Variants in PKN2 observed in about 807,000 individuals in gnomAD.
PKN2 encodes serine/threonine-protein kinase N2.
Under a neutral mutation model 119.1 loss-of-function variants are expected in PKN2, and 38 were observed. That is an observed-to-expected ratio of 0.32 (90% CI 0.25 to 0.42). The LOEUF is 0.42. Among genes scored for constraint, PKN2 ranks in the 10% least tolerant of loss-of-function variants. PKN2 has a pLI of 1.00. For missense variants in PKN2, 850 were observed against 1,165.1 expected (o/e 0.73, Z 3.94); for synonymous variants, 390 against 384.9 (o/e 1.01, Z -0.15).
chr1:88,787,727 A>C (rs1034218149), intron 8 of PKN2, among the ~76,000 whole-genome samples: 4 of 152,206 alleles, frequency 2.6e-5, no homozygotes, highest in African/African-American at 9.7e-5. Context: ...TTTCGCCTCA[A>C]TGGCATCAGG....
In PKN2 at chr1:88,809,556, C is replaced by T. The variant is rs12025150; in HGVS notation, c.2102+1781C>T. ...GTAGGAAAATGCTTTCTAATGAAAT[C>T]TATAGAAAGTTTGGATCACAGGATG... On this transcript the variant is annotated intron_variant, in intron 15 of 21. Coordinates refer to ENST00000370521, the MANE Select transcript of PKN2 (RefSeq NM_006256.4). Among the ~76,000 whole-genome samples the T allele has an allele frequency of 3.8e-3, 576 of 152,308 alleles. 21 individuals carry two copies. The East Asian group carries it at 0.082, about 22-fold the overall frequency.
intron 1 of PKN2, among the ~76,000 whole-genome samples, chr1:88,725,172 C>T (rs1287269810): frequency 6.6e-6 from 1 of 152,124 alleles, no homozygotes; most frequent in East Asian, 1.9e-4. Flanking sequence ...TGGGTTAATA[C>T]AAATGAAGTT....
At chr1:88,762,656 C>G (rs753256325) in intron 3 of PKN2, among the ~76,000 whole-genome samples, 5 of 151,940 alleles carry the variant, frequency 3.3e-5, no homozygotes, top group Non-Finnish European at 5.9e-5. Context: ...TTTAAGAGAC[C>G]CACTATCTTA....
At chr1:88,803,761 G>A (rs1216291296) in intron 8 of PKN2, among the ~76,000 whole-genome samples, 2 of 151,992 alleles carry the variant, frequency 1.3e-5, no homozygotes, top group African/African-American at 2.4e-5. Context: ...ATGTTTTATT[G>A]TTATAATAAA....
At chr1:88,790,325 T>C (rs1387534903) in intron 8 of PKN2, among the ~76,000 whole-genome samples, 1 of 152,250 alleles carries the variant, frequency 6.6e-6, no homozygotes, top group African/African-American at 2.4e-5. Context: ...AGAGATGATA[T>C]ATGTCTGAAA....
intron 1 of PKN2, among the ~76,000 whole-genome samples, chr1:88,698,695 T>C (rs1570490815): frequency 6.6e-6 from 1 of 152,226 alleles, no homozygotes; most frequent in East Asian, 1.9e-4. Flanking sequence ...CAATTAGTCC[T>C]ACTCCCCAGA....
intron 19 of PKN2, chr1:88,829,206 C>T (rs888551396): frequency 6.5e-5 from 48 of 732,958 alleles, no homozygotes; most frequent in Admixed American, 3.7e-4. Flanking sequence ...AAAAACAGAA[C>T]GTACATTAAC....
At chr1:88,763,635 A>C (rs942838115) in intron 3 of PKN2, among the ~76,000 whole-genome samples, 63 of 150,926 alleles carry the variant, frequency 4.2e-4, no homozygotes, top group African/African-American at 1.5e-3. Flanking sequence ...AAGAAAGTTC[A>C]CATCCATCCT....
chr1:88,770,064 T>C (rs1669819336), intron 3 of PKN2, among the ~76,000 whole-genome samples: 1 of 152,216 alleles, frequency 6.6e-6, no homozygotes, highest in South Asian at 2.1e-4. Context: ...TCATGTACAC[T>C]GCAAGTATAT....
intron 1 of PKN2, among the ~76,000 whole-genome samples, chr1:88,701,433 A>G (rs1253053280): frequency 6.6e-6 from 1 of 152,252 alleles, no homozygotes. Context: ...ATAATTGTAT[A>G]CAGTTCCTTT....
intron 2 of PKN2, among the ~76,000 whole-genome samples, chr1:88,759,962 TA>T (rs1213151011): frequency 6.6e-6 from 1 of 152,024 alleles, no homozygotes; most frequent in African/African-American, 2.4e-5. Flanking sequence ...GACAATCATC[TA>T]ACTGAGTTTC....
intron 1 of PKN2, among the ~76,000 whole-genome samples, chr1:88,704,134 C>G (rs1666877757): frequency 6.6e-6 from 1 of 152,126 alleles, no homozygotes; most frequent in African/African-American, 2.4e-5. Context: ...GTGTCTCTTT[C>G]TAATCTCCTC....
At chr1:88,825,833 G>A (rs1029303011) in intron 18 of PKN2, among the ~76,000 whole-genome samples, 1 of 152,136 alleles carries the variant, frequency 6.6e-6, no homozygotes, top group African/African-American at 2.4e-5. Context: ...ATACAGTGCC[G>A]TTACTGATCT....
At chr1:88,757,886 C>CA (rs766492824) in intron 2 of PKN2, among the ~76,000 whole-genome samples, 7 of 151,050 alleles carry the variant, frequency 4.6e-5, no homozygotes, top group Non-Finnish European at 1.0e-4. Context: ...ACTAAAAATA[C>CA]AAAAAATTAG....
At chr1:88,745,621 T>G (rs979159263) in intron 2 of PKN2, among the ~76,000 whole-genome samples, 9 of 152,144 alleles carry the variant, frequency 5.9e-5, no homozygotes, top group Non-Finnish European at 1.0e-4. Flanking sequence ...TCTCCTGTGT[T>G]CATGAATTGG....
chr1:88,797,265 C>T (rs1039136647), intron 8 of PKN2, among the ~76,000 whole-genome samples: 8 of 150,614 alleles, frequency 5.3e-5, no homozygotes, highest in South Asian at 2.1e-4. Context: ...ACCTGGGAGG[C>T]GGAGGTTGCG....
At chr1:88,796,212 A>G (rs976465335) in intron 8 of PKN2, among the ~76,000 whole-genome samples, 8 of 152,194 alleles carry the variant, frequency 5.3e-5, no homozygotes, top group African/African-American at 1.9e-4. Context: ...CTGATTGAGC[A>G]TCTGAAAAAT....
In PKN2 at chr1:88,759,191, C is replaced by T. The variant is rs143054431; in HGVS notation, c.350-1031C>T. Reference sequence around the variant, plus strand: ...CAGCCTGACCAACATGGTGAAACTCCGCCTGTACTAAAAATACAAAAATTA... The same window carrying T: ...CAGCCTGACCAACATGGTGAAACTCTGCCTGTACTAAAAATACAAAAATTA... On this transcript the variant is annotated intron_variant, in intron 2 of 21. Transcript: ENST00000370521. Among the ~76,000 whole-genome samples the T allele has an allele frequency of 2.5e-3, 374 of 152,308 alleles. 1 individual carries two copies. Among genetic ancestry groups the T allele is most frequent in the African/African-American group, 8.7e-3 (362 of 41,556 alleles).
intron 1 of PKN2, among the ~76,000 whole-genome samples, chr1:88,692,819 G>A (rs1168620851): frequency 6.6e-6 from 1 of 152,114 alleles, no homozygotes; most frequent in African/African-American, 2.4e-5. Flanking sequence ...AGTTGTGTGG[G>A]AGGGACAGTT....
Sources: allele counts gnomAD v4.1 joint callset (sites outside exome capture counted in the v4.1 genomes callset), GRCh38; gene constraint gnomAD v4.1.1; transcripts MANE v1.5; gene names NCBI Gene and HGNC (gene_info 2026-07-23, HGNC 2026-07-21).